HDAC9: variants seen among roughly 807,000 people sequenced by gnomAD.
The protein encoded by HDAC9 is histone deacetylase 9, also known as MEF-2 interacting transcription repressor (MITR) protein.
HDAC9 carries 41 observed loss-of-function variants against 139.4 expected under a neutral mutation model. The observed-to-expected ratio is 0.29, with a 90% confidence interval of 0.23 to 0.38. The LOEUF is 0.38. HDAC9 is among the 10% of genes least tolerant of loss of function. The pLI, the probability that HDAC9 is intolerant of heterozygous loss-of-function variation, is 1.00. For synonymous variants in HDAC9, 517 were observed against 476.2 expected (o/e 1.09, Z -1.12); for missense variants, 1,147 against 1,297.0 (o/e 0.88, Z 1.78).
At chr7:18,410,650 G>T (rs956843517) in intron 1 of HDAC9, among the ~76,000 whole-genome samples, 1 of 152,070 alleles carries the variant, frequency 6.6e-6, no homozygotes, top group Non-Finnish European at 1.5e-5. Context: ...ATTTTAAAAT[G>T]TGAGACAGTA....
chr7:18,128,203 G>T (rs1019021322), intron 1 of HDAC9, among the ~76,000 whole-genome samples: 3 of 152,016 alleles, frequency 2.0e-5, no homozygotes, highest in African/African-American at 7.2e-5. Context: ...CTCAGAGACT[G>T]GCTTGGAAAC....
intron 15 of HDAC9, among the ~76,000 whole-genome samples, chr7:18,764,069 A>T (rs1789619182): frequency 6.6e-6 from 1 of 152,162 alleles, no homozygotes; most frequent in African/African-American, 2.4e-5. Flanking sequence ...ACTCTTTTGA[A>T]CAAACCTATT....
At chr7:18,383,707 C>T (rs925713476) in intron 1 of HDAC9, among the ~76,000 whole-genome samples, 2 of 151,144 alleles carry the variant, frequency 1.3e-5, no homozygotes, top group Non-Finnish European at 3.0e-5. Flanking sequence ...AACTGATGAC[C>T]CCGTCTCTAC....
At chr7:18,863,209 G>A (rs994224416) in intron 21 of HDAC9, among the ~76,000 whole-genome samples, 2 of 152,186 alleles carry the variant, frequency 1.3e-5, no homozygotes, top group Non-Finnish European at 2.9e-5. Flanking sequence ...CTGAGGAAGA[G>A]TGAGGCACCA....
chr7:18,089,799 T>A (rs182002366), intron 1 of HDAC9, among the ~76,000 whole-genome samples: 9 of 152,288 alleles, frequency 5.9e-5, no homozygotes, highest in Admixed American at 1.3e-4. Context: ...GAGAAACATA[T>A]GGACATCATA....
At chr7:18,665,115 G>T (rs1039999694) in intron 11 of HDAC9, among the ~76,000 whole-genome samples, 13 of 152,092 alleles carry the variant, frequency 8.5e-5, no homozygotes, top group African/African-American at 3.1e-4. Context: ...TTTAAAACAT[G>T]TATTTTGTAA....
intron 17 of HDAC9, among the ~76,000 whole-genome samples, chr7:18,803,269 T>G (rs1793449140): frequency 6.6e-6 from 1 of 152,086 alleles, no homozygotes; most frequent in Non-Finnish European, 1.5e-5. Flanking sequence ...TTTAAAGCAA[T>G]AGTCATGTCC....
chr7:18,791,816 C>G (rs1457813679), intron 16 of HDAC9, among the ~76,000 whole-genome samples: 1 of 152,138 alleles, frequency 6.6e-6, no homozygotes, highest in African/African-American at 2.4e-5. Flanking sequence ...ATAACAGTAG[C>G]TGAAATGGTA....
At chr7:18,618,802 A>C (rs1839429141) in intron 6 of HDAC9, among the ~76,000 whole-genome samples, 1 of 146,486 alleles carries the variant, frequency 6.8e-6, no homozygotes, top group South Asian at 2.1e-4. Flanking sequence ...TAGCAGAATA[A>C]TTACACAGAA....
intron 22 of HDAC9, among the ~76,000 whole-genome samples, chr7:18,903,996 G>A (rs76567739): frequency 6.6e-6 from 1 of 152,156 alleles, no homozygotes; most frequent in Non-Finnish European, 1.5e-5. Context: ...CTACGATTGG[G>A]AACAGAGATT....
intron 1 of HDAC9, among the ~76,000 whole-genome samples, chr7:18,350,339 T>C (rs750510652): frequency 5.3e-5 from 8 of 152,208 alleles, no homozygotes; most frequent in Non-Finnish European, 1.2e-4. Context: ...GAGCTAATTG[T>C]GTACCAGGTT....
At chr7:18,797,697 C>CT (rs1273726872) in intron 17 of HDAC9, among the ~76,000 whole-genome samples, 3 of 151,832 alleles carry the variant, frequency 2.0e-5, no homozygotes, top group Admixed American at 6.6e-5. Context: ...GGTGTGTTGG[C>CT]AGGCGCCTGT....
chr7:18,869,887 G>T (rs1165118550), intron 21 of HDAC9, among the ~76,000 whole-genome samples: 10 of 145,282 alleles, frequency 6.9e-5, no homozygotes, highest in Admixed American at 2.7e-4. Context: ...GGTTTTTTTT[G>T]TTTTTTTTTT....
chr7:18,453,568 G>T (rs1793076974), intron 1 of HDAC9, among the ~76,000 whole-genome samples: 1 of 152,154 alleles, frequency 6.6e-6, no homozygotes, highest in South Asian at 2.1e-4. Flanking sequence ...ACTAGTGCCT[G>T]GGAGGTTGTG....
At chr7:18,888,670 A>G (rs1408588203) in intron 22 of HDAC9, among the ~76,000 whole-genome samples, 1 of 151,376 alleles carries the variant, frequency 6.6e-6, no homozygotes, top group East Asian at 2.0e-4. Context: ...TAAAACTATT[A>G]TTTCTCTCCT....
intron 1 of HDAC9, among the ~76,000 whole-genome samples, chr7:18,395,627 T>C (rs1786957573): frequency 6.6e-6 from 1 of 152,036 alleles, no homozygotes; most frequent in Non-Finnish European, 1.5e-5. Flanking sequence ...TATTTTTTCC[T>C]GAGATTGGAT....
chr7:18,913,113 C>T (rs1802882467), intron 22 of HDAC9, among the ~76,000 whole-genome samples: 1 of 152,050 alleles, frequency 6.6e-6, no homozygotes, highest in African/African-American at 2.4e-5. Flanking sequence ...AGTACTAGAA[C>T]AAAGGCTGTA....
At chr7:18,294,230 G>GGT (rs1222436406) in intron 1 of HDAC9, among the ~76,000 whole-genome samples, 2 of 151,910 alleles carry the variant, frequency 1.3e-5, no homozygotes, top group African/African-American at 2.4e-5. Flanking sequence ...TGGGAGAGAG[G>GGT]GTGTGTGTGT....
intron 22 of HDAC9, among the ~76,000 whole-genome samples, chr7:18,908,370 C>T (rs913555710): frequency 6.6e-5 from 10 of 152,032 alleles, no homozygotes; most frequent in African/African-American, 1.9e-4. Context: ...TCACCTCAAG[C>T]GCTTATCATT....
Sources: gnomAD v4.1 joint callset for allele counts (sites outside exome capture counted in the v4.1 genomes callset) on GRCh38, gnomAD v4.1.1 for gene constraint, MANE v1.5 for transcripts, NCBI Gene and HGNC (gene_info 2026-07-23, HGNC 2026-07-21) for gene names.